Variants in STK33 observed in about 807,000 individuals in gnomAD.
The protein encoded by STK33 is serine/threonine kinase 33, also known as serine/threonine-protein kinase 33.
STK33 carries 52 observed loss-of-function variants against 58.0 expected under a neutral mutation model. That is an observed-to-expected ratio of 0.90 (90% CI 0.72 to 1.13). The LOEUF (loss-of-function observed/expected upper bound fraction) is 1.13, where lower values mean the gene tolerates loss of function less well. Among genes scored for constraint, STK33 ranks in the 50% most tolerant of loss-of-function variants. The pLI is 0.00. For missense variants in STK33, 630 were observed against 604.2 expected (o/e 1.04, Z -0.45); for synonymous variants, 215 against 200.1 (o/e 1.07, Z -0.63).
At chr11:8,482,633 T>C (rs541143138) in intron 1 of STK33, among the ~76,000 whole-genome samples, 33 of 152,312 alleles carry the variant, frequency 2.2e-4, no homozygotes, top group Non-Finnish European at 4.6e-4. Context: ...ATACCAGGGT[T>C]TGAATTCTAC....
At chr11:8,400,839 G>C (rs1189295726) in intron 15 of STK33, among the ~76,000 whole-genome samples, 1 of 152,096 alleles carries the variant, frequency 6.6e-6, no homozygotes, top group South Asian at 2.1e-4. Flanking sequence ...GACAAACAGA[G>C]AGCCAAATCA....
chr11:8,410,917 C>T (rs1023352595), intron 15 of STK33, among the ~76,000 whole-genome samples: 1 of 152,200 alleles, frequency 6.6e-6, no homozygotes, highest in Non-Finnish European at 1.5e-5. Context: ...CAGTCCCTTC[C>T]TCTATGGTTA....
chr11:8,592,592 A>G (rs2032793056), intron 1 of STK33, among the ~76,000 whole-genome samples: 1 of 152,144 alleles, frequency 6.6e-6, no homozygotes. Context: ...TGACCTCCCT[A>G]TAATTTCATT....
chr11:8,361,357 C>G, the STK33 span, among the ~76,000 whole-genome samples: 1 of 152,178 alleles, frequency 6.6e-6, no homozygotes, highest in Non-Finnish European at 1.5e-5. This position sits in a 1 kb window ranked among gnomAD's most constrained non-coding sequence, Gnocchi z 4.8. Flanking sequence ...GTTGTCCAGC[C>G]TGCACCTCAT....
chr11:8,412,955 C>T (rs1021129260), intron 15 of STK33, among the ~76,000 whole-genome samples: 2 of 151,938 alleles, frequency 1.3e-5, no homozygotes, highest in Non-Finnish European at 2.9e-5. Context: ...AAATAATAAA[C>T]CTATATAAAA....
intron 1 of STK33, among the ~76,000 whole-genome samples, chr11:8,551,469 A>G (rs998069622): frequency 6.6e-6 from 1 of 152,070 alleles, no homozygotes; most frequent in Non-Finnish European, 1.5e-5. Context: ...TAGATCTTCA[A>G]TGCTTCTGGG....
At chr11:8,531,198 C>A (rs1205135003) in intron 1 of STK33, among the ~76,000 whole-genome samples, 2 of 151,848 alleles carry the variant, frequency 1.3e-5, no homozygotes, top group South Asian at 2.1e-4. Context: ...AAAATAAATA[C>A]CCCCCAACTT....
At chr11:8,484,726 T>C (rs918619117) in intron 1 of STK33, among the ~76,000 whole-genome samples, 4 of 152,220 alleles carry the variant, frequency 2.6e-5, no homozygotes, top group African/African-American at 9.6e-5. Flanking sequence ...ATAGTATATA[T>C]ATGATTAGGT....
chr11:8,560,599 A>C (rs1308140750), intron 1 of STK33, among the ~76,000 whole-genome samples: 3 of 152,136 alleles, frequency 2.0e-5, no homozygotes, highest in Non-Finnish European at 2.9e-5. Flanking sequence ...TTTTGTGGTC[A>C]CTAGGTTGAG....
chr11:8,359,992 A>T, the STK33 span, among the ~76,000 whole-genome samples: 1 of 152,242 alleles, frequency 6.6e-6, no homozygotes, highest in Non-Finnish European at 1.5e-5. Flanking sequence ...CTGATGTTCC[A>T]GTGCTGTGGT....
the STK33 span, among the ~76,000 whole-genome samples, chr11:8,381,555 C>A: frequency 2.0e-5 from 3 of 152,244 alleles, no homozygotes; most frequent in South Asian, 6.2e-4. Context: ...CAGTGAACAT[C>A]CTGAATGCAG....
chr11:8,516,687 C>T (rs1952817410), intron 1 of STK33, among the ~76,000 whole-genome samples: 2 of 152,234 alleles, frequency 1.3e-5, no homozygotes. Flanking sequence ...GAGATTATAT[C>T]CCGTGCCTGG....
intron 6 of STK33, among the ~76,000 whole-genome samples, chr11:8,471,344 G>A (rs1948756126): frequency 6.6e-6 from 1 of 152,174 alleles, no homozygotes; most frequent in South Asian, 2.1e-4. Flanking sequence ...AACACATAGT[G>A]ATGAAGGAGA....
chr11:8,583,226 G>GT (rs1217744020), intron 1 of STK33, among the ~76,000 whole-genome samples: 2 of 152,116 alleles, frequency 1.3e-5, no homozygotes, highest in Non-Finnish European at 2.9e-5. Flanking sequence ...CCTCCTAGAG[G>GT]TTGTCTTTTC....
At chr11:8,355,866 A>G in the STK33 span, among the ~76,000 whole-genome samples, 2 of 152,066 alleles carry the variant, frequency 1.3e-5, no homozygotes, top group East Asian at 3.8e-4. Flanking sequence ...TGCTGTCACC[A>G]TCACCATCAC....
the STK33 span, among the ~76,000 whole-genome samples, chr11:8,350,371 G>C: frequency 6.6e-6 from 1 of 152,194 alleles, no homozygotes; most frequent in African/African-American, 2.4e-5. Context: ...GTGCACCCGA[G>C]GTGGAGAGGC....
At chr11:8,428,650 C>A (rs1943057272) in intron 14 of STK33, among the ~76,000 whole-genome samples, 1 of 152,100 alleles carries the variant, frequency 6.6e-6, no homozygotes, top group African/African-American at 2.4e-5. Context: ...CCGTTCCTAT[C>A]CACTTATTTA....
intron 14 of STK33, among the ~76,000 whole-genome samples, chr11:8,432,451 T>C (rs1472846435): frequency 6.6e-6 from 1 of 152,218 alleles, no homozygotes; most frequent in Non-Finnish European, 1.5e-5. Context: ...AAGTCATTTA[T>C]TGGGTATTTT....
At chr11:8,471,726 C>T (rs959669503) in intron 6 of STK33, among the ~76,000 whole-genome samples, 1 of 151,564 alleles carries the variant, frequency 6.6e-6, no homozygotes, top group Admixed American at 6.6e-5. Flanking sequence ...TTTGAAATAT[C>T]CTCTAATTTA....
Sources: gnomAD v4.1 joint callset for allele counts (sites outside exome capture counted in the v4.1 genomes callset) on GRCh38, gnomAD v4.1.1 for gene constraint, Gnocchi (gnomAD v3.1) non-coding constraint, MANE v1.5 for transcripts, NCBI Gene and HGNC (gene_info 2026-07-23, HGNC 2026-07-21) for gene names.